The following PPARG variants were observed in gnomAD, a reference collection of about 807,000 sequenced individuals.
PPARG encodes peroxisome proliferator activated receptor gamma, also known as peroxisome proliferator-activated receptor gamma.
Under a neutral mutation model 39.2 loss-of-function variants are expected in PPARG, and 17 were observed. That is an observed-to-expected ratio of 0.43 (90% CI 0.30 to 0.65). The LOEUF (loss-of-function observed/expected upper bound fraction) is 0.65, where lower values mean the gene tolerates loss of function less well. Ranked by LOEUF, PPARG falls within the 30% of genes least tolerant of loss-of-function variation. The probability of loss-of-function intolerance (pLI) is 0.13; values close to 1 mark genes in which losing one functional copy is unlikely to be tolerated. For missense variants in PPARG, 406 were observed against 585.9 expected (o/e 0.69, Z 3.17); for synonymous variants, 223 against 215.7 (o/e 1.03, Z -0.30).
chr3:12,433,011 C>A (rs1181482088), intron 7 of PPARG, among the ~76,000 whole-genome samples: 3 of 152,190 alleles, frequency 2.0e-5, no homozygotes, highest in African/African-American at 7.2e-5. Flanking sequence ...GTGAAAATTG[C>A]TTGCAATCTT....
intron 4 of PPARG, among the ~76,000 whole-genome samples, chr3:12,390,457 G>T (rs570303600): frequency 5.9e-5 from 9 of 151,964 alleles, no homozygotes; most frequent in East Asian, 5.8e-4. Flanking sequence ...TTATGAAAAT[G>T]AGTAAATCAT....
At chr3:12,349,879 G>A (rs376160439) in intron 2 of PPARG, among the ~76,000 whole-genome samples, 7 of 152,264 alleles carry the variant, frequency 4.6e-5, no homozygotes, top group African/African-American at 1.7e-4. Flanking sequence ...GGCTTAGAAG[G>A]CCTCACTACC....
At chr3:12,304,198 A>C (rs964441619) in intron 1 of PPARG, among the ~76,000 whole-genome samples, 2 of 152,194 alleles carry the variant, frequency 1.3e-5, no homozygotes, top group Admixed American at 6.5e-5. Context: ...CTGACCTGTA[A>C]ATCATTCATT....
rs955224650 is a variant in PPARG, at chr3:12,406,885, A to G, written c.729+804A>G. 3 of 152,326 alleles carry G rather than the reference A, an allele frequency of 2.0e-5. No homozygotes were observed. In the East Asian group the frequency reaches 5.8e-4, roughly 29 times the overall value. The allele number at this position is 152,326 out of a possible 1,614,324, so 9.4% of individuals were successfully genotyped here. On this transcript the variant is annotated intron_variant, in intron 6 of 7. Coordinates refer to ENST00000651735, the MANE Select transcript of PPARG (RefSeq NM_138711.6). ...TAGAAGCTCTATCCTTTTATTACAT[A>G]TGTGAATTTTATCTTCTGCAAGGCT... is the stretch of plus-strand genomic sequence containing the variant.
chr3:12,342,027 A>G (rs530534504), intron 2 of PPARG, among the ~76,000 whole-genome samples: 1 of 152,322 alleles, frequency 6.6e-6, no homozygotes, highest in African/African-American at 2.4e-5. Flanking sequence ...CAATGGAGAG[A>G]TGAGACATAT....
intron 5 of PPARG, among the ~76,000 whole-genome samples, chr3:12,405,453 C>A (rs1418147119): frequency 6.6e-6 from 1 of 152,202 alleles, no homozygotes; most frequent in Non-Finnish European, 1.5e-5. Flanking sequence ...TTGAATTCTG[C>A]ACAGTTTCGT....
intron 6 of PPARG, among the ~76,000 whole-genome samples, chr3:12,412,510 A>G (rs2050911652): frequency 1.3e-5 from 2 of 152,358 alleles, no homozygotes; most frequent in East Asian, 3.9e-4. Context: ...AAAATTAATT[A>G]TATTTGATGT....
chr3:12,367,744 AAT>A (rs749761164), intron 2 of PPARG, among the ~76,000 whole-genome samples: 2 of 151,774 alleles, frequency 1.3e-5, no homozygotes, highest in Non-Finnish European at 2.9e-5. Flanking sequence ...TGTGGTGGTG[AAT>A]GCCTGTGGTC....
intron 5 of PPARG, among the ~76,000 whole-genome samples, chr3:12,396,630 T>G (rs1007382591): frequency 1.3e-5 from 2 of 151,862 alleles, no homozygotes; most frequent in African/African-American, 4.8e-5. Context: ...TGATGGCTTG[T>G]GCCTGTGGTT....
At chr3:12,396,607 A>C (rs1416215504) in intron 5 of PPARG, among the ~76,000 whole-genome samples, 1 of 151,998 alleles carries the variant, frequency 6.6e-6, no homozygotes, top group Non-Finnish European at 1.5e-5. Context: ...AACTACAAAA[A>C]ATTAGTCGGG....
intron 2 of PPARG, among the ~76,000 whole-genome samples, chr3:12,370,645 T>G (rs975215322): frequency 2.0e-5 from 3 of 152,236 alleles, no homozygotes; most frequent in Non-Finnish European, 4.4e-5. Flanking sequence ...CTGTGCTTTT[T>G]TCTCTCTTTT....
intron 1 of PPARG, among the ~76,000 whole-genome samples, chr3:12,300,262 A>G (rs1350470104): frequency 1.3e-5 from 2 of 152,206 alleles, no homozygotes; most frequent in African/African-American, 4.8e-5. Context: ...AAACCTGCCC[A>G]CCTATGAACA....
chr3:12,429,142 T>C (rs1390166521), intron 7 of PPARG, among the ~76,000 whole-genome samples: 1 of 152,190 alleles, frequency 6.6e-6, no homozygotes, highest in Non-Finnish European at 1.5e-5. Context: ...TAACTTGTCA[T>C]TGCAGAAAAT....
At chr3:12,406,369 C>G in intron 6 of PPARG, 1 of 413,380 alleles carries the variant, frequency 2.4e-6, no homozygotes, top group Non-Finnish European at 4.5e-6. Flanking sequence ...CTGAGCCTAT[C>G]ACCCTCTTTT....
At chr3:12,374,833 T>C (rs977897415) in intron 2 of PPARG, among the ~76,000 whole-genome samples, 3 of 152,126 alleles carry the variant, frequency 2.0e-5, no homozygotes, top group Non-Finnish European at 2.9e-5. Flanking sequence ...TCAATTTTTA[T>C]GTAACCCTAA....
At chr3:12,359,994 T>C (rs1259569816) in intron 2 of PPARG, among the ~76,000 whole-genome samples, 1 of 152,076 alleles carries the variant, frequency 6.6e-6, no homozygotes, top group African/African-American at 2.4e-5. Context: ...TTAGATAAAA[T>C]GTACACCCTT....
chr3:12,426,662 A>G (rs2051459110), intron 7 of PPARG, among the ~76,000 whole-genome samples: 1 of 152,188 alleles, frequency 6.6e-6, no homozygotes, highest in East Asian at 1.9e-4. Context: ...AGGAAAAGAA[A>G]GGTAAGAAGA....
At chr3:12,414,584 A>G (rs1418711903) in intron 6 of PPARG, among the ~76,000 whole-genome samples, 1 of 152,204 alleles carries the variant, frequency 6.6e-6, no homozygotes, top group Non-Finnish European at 1.5e-5. Flanking sequence ...ATCATTATCC[A>G]TTCACATTTT....
At chr3:12,408,391 A>G (rs1485144815) in intron 6 of PPARG, among the ~76,000 whole-genome samples, 1 of 152,182 alleles carries the variant, frequency 6.6e-6, no homozygotes, top group Non-Finnish European at 1.5e-5. Flanking sequence ...CATTCGTTCA[A>G]TGATAAAATT....
Sources: gnomAD v4.1 joint callset for allele counts (sites outside exome capture counted in the v4.1 genomes callset) on GRCh38, gnomAD v4.1.1 for gene constraint, MANE v1.5 for transcripts, NCBI Gene and HGNC (gene_info 2026-07-23, HGNC 2026-07-21) for gene names.